Variants in IMPG1 observed in about 807,000 individuals in gnomAD.
IMPG1 encodes interphotoreceptor matrix proteoglycan of 150 kDa.
In IMPG1, 85 loss-of-function variants were observed where a neutral mutation model predicts 92.0. The ratio of observed to expected loss-of-function variants is 0.92; its 90% CI spans 0.78 to 1.11. The LOEUF is 1.11. Ranked by LOEUF, IMPG1 falls within the 50% of genes least tolerant of loss-of-function variation. The pLI is 0.00. For synonymous variants in IMPG1, 367 were observed against 334.1 expected (o/e 1.10, Z -1.08); for missense variants, 1,022 against 956.0 (o/e 1.07, Z -0.91).
At chr6:76,028,220 C>T (rs568405834) in intron 4 of IMPG1, among the ~76,000 whole-genome samples, 17 of 152,306 alleles carry the variant, frequency 1.1e-4, no homozygotes, top group Non-Finnish European at 1.6e-4. Flanking sequence ...CTACACTGGA[C>T]GTTTTGCTAT....
rs75708245 is a variant in IMPG1 at position 75,952,630 on chromosome 6, G to C, written c.1292-1536C>G. 4.2e-3 allele frequency among the ~76,000 whole-genome samples: 642 copies of C among 152,162 alleles called. 15 individuals carry two copies. The East Asian group carries it at 0.054, about 13-fold the overall frequency. On this transcript the variant is annotated intron_variant, in intron 12 of 16. Transcript: ENST00000369950. ...TTTTATTAAAATCTCCATTGCTATGGGCTGAATGTTTGTGTCCATGCAAAA... is the reference window on the plus strand; with the variant it reads ...TTTTATTAAAATCTCCATTGCTATGCGCTGAATGTTTGTGTCCATGCAAAA...
intron 15 of IMPG1, among the ~76,000 whole-genome samples, chr6:75,925,254 AT>A (rs1437053192): frequency 2.0e-5 from 3 of 151,528 alleles, no homozygotes; most frequent in African/African-American, 7.3e-5. Flanking sequence ...TGTCAGTTAA[AT>A]TTTTTTAAAT....
chr6:75,949,519 G>A (rs924901763), intron 13 of IMPG1, among the ~76,000 whole-genome samples: 10 of 152,172 alleles, frequency 6.6e-5, no homozygotes, highest in Non-Finnish European at 8.8e-5. Context: ...AGCAGCCCTC[G>A]GGGCTGCTCT....
At chr6:76,011,460 T>G (rs987998349) in intron 7 of IMPG1, among the ~76,000 whole-genome samples, 1 of 152,210 alleles carries the variant, frequency 6.6e-6, no homozygotes, top group Admixed American at 6.5e-5. Flanking sequence ...GAAAGTGTTT[T>G]GCTATTTATT....
chr6:75,965,351 A>G (rs1188439585), intron 12 of IMPG1, among the ~76,000 whole-genome samples: 1 of 146,324 alleles, frequency 6.8e-6, no homozygotes. Flanking sequence ...TGCATTTTCC[A>G]GCATTTGTTG....
intron 12 of IMPG1, among the ~76,000 whole-genome samples, chr6:75,987,927 G>T (rs1024950465): frequency 6.6e-6 from 1 of 152,162 alleles, no homozygotes; most frequent in African/African-American, 2.4e-5. Context: ...GATTACAGGC[G>T]TGAGCCACCG....
At chr6:76,055,777 C>T (rs62431334) in intron 1 of IMPG1, among the ~76,000 whole-genome samples, 20 of 151,736 alleles carry the variant, frequency 1.3e-4, no homozygotes, top group South Asian at 6.2e-4. Context: ...GTTAACAAGA[C>T]GATATAATGA....
intron 6 of IMPG1, 71 bp downstream of exon 6, chr6:76,022,045 C>G (rs941207328): frequency 4.5e-5 from 36 of 807,774 alleles, no homozygotes; most frequent in Non-Finnish European, 6.3e-5. Flanking sequence ...TTTATCCATT[C>G]TCTTTTCCTG....
rs1281299930 is a variant in IMPG1 at position 76,025,210 on chromosome 6, G to A, written c.546C>T (p.Thr182=). 6.3e-7 allele frequency: 1 copy of A among 1,599,306 alleles called. No homozygotes were observed. The highest frequency in any genetic ancestry group is 1.3e-5 in the African/African-American group (1 of 74,546). Residue 182 remains threonine, a synonymous_variant, in exon 5 of 17, where the codon ACC becomes ACT. Coordinates refer to ENST00000369950, the MANE Select transcript of IMPG1 (RefSeq NM_001563.4). ...AEKTLGEPGE[T]IVISTDVANV... Reference sequence around the variant, plus strand: ...TAAGCTTACCTGTTGAAATGACAATGGTTTCACCAGGCTCTCCCAATGTCT... The same window carrying A: ...TAAGCTTACCTGTTGAAATGACAATAGTTTCACCAGGCTCTCCCAATGTCT...
intron 12 of IMPG1, among the ~76,000 whole-genome samples, chr6:75,967,927 T>A (rs79282539): frequency 0.025 from 3,738 of 152,236 alleles, 157 homozygotes; most frequent in African/African-American, 0.086. Flanking sequence ...GAACCCTTTT[T>A]GAAACAATTG....
At chr6:75,982,780 G>A (rs1476945819) in intron 12 of IMPG1, among the ~76,000 whole-genome samples, 1 of 151,920 alleles carries the variant, frequency 6.6e-6, no homozygotes, top group Admixed American at 6.6e-5. Flanking sequence ...CATTGAGGAG[G>A]TTCACATTTT....
intron 7 of IMPG1, among the ~76,000 whole-genome samples, chr6:76,011,750 C>A (rs1183190546): frequency 1.6e-5 from 2 of 125,524 alleles, no homozygotes; most frequent in African/African-American, 3.0e-5. Context: ...CCCTCCCCAC[C>A]ACAGTCCCCA....
intron 15 of IMPG1, among the ~76,000 whole-genome samples, chr6:75,925,945 G>A (rs1241929881): frequency 1.3e-5 from 2 of 152,158 alleles, no homozygotes; most frequent in Admixed American, 6.5e-5. Context: ...GATTACAGGC[G>A]TGAGCCACTG....
chr6:76,057,706 T>C (rs900032688), intron 1 of IMPG1, among the ~76,000 whole-genome samples: 7 of 152,140 alleles, frequency 4.6e-5, no homozygotes, highest in East Asian at 1.9e-4. Flanking sequence ...GTGAAACCCA[T>C]AGGTGGGGGG....
intron 1 of IMPG1, among the ~76,000 whole-genome samples, chr6:76,066,094 A>G (rs1437549198): frequency 6.6e-6 from 1 of 152,150 alleles, no homozygotes; most frequent in Non-Finnish European, 1.5e-5. Context: ...TATGGAAATG[A>G]AAAAACAATA....
At chr6:75,964,949 T>C (rs1489130818) in intron 12 of IMPG1, among the ~76,000 whole-genome samples, 1 of 152,206 alleles carries the variant, frequency 6.6e-6, no homozygotes, top group Non-Finnish European at 1.5e-5. Flanking sequence ...AAGGATGTTA[T>C]ATAAATGGAA....
chr6:76,060,685 G>A (rs1784190942), intron 1 of IMPG1, among the ~76,000 whole-genome samples: 1 of 152,148 alleles, frequency 6.6e-6, no homozygotes, highest in Non-Finnish European at 1.5e-5. Flanking sequence ...ATTTTGGTCA[G>A]GGTTCTTTTC....
chr6:76,025,087 A>G, intron 5 of IMPG1, 107 bp downstream of exon 5: 4 of 721,142 alleles, frequency 5.5e-6, no homozygotes, highest in Non-Finnish European at 9.8e-6. Flanking sequence ...GTTTTGAGAA[A>G]GTACATTATA....
intron 7 of IMPG1, among the ~76,000 whole-genome samples, chr6:76,017,954 T>C (rs887557760): frequency 2.0e-5 from 3 of 152,280 alleles, no homozygotes; most frequent in South Asian, 4.1e-4. Flanking sequence ...GATTTTGCCA[T>C]GTTGGCCAGG....
Sources: allele counts gnomAD v4.1 joint callset (sites outside exome capture counted in the v4.1 genomes callset), GRCh38; gene constraint gnomAD v4.1.1; transcripts MANE v1.5; gene names NCBI Gene and HGNC (gene_info 2026-07-23, HGNC 2026-07-21).